The following TMEM117 variants were observed in gnomAD, a reference collection of about 807,000 sequenced individuals.
TMEM117 encodes transmembrane protein 117.
Under a neutral mutation model 52.4 loss-of-function variants are expected in TMEM117, and 27 were observed. The ratio of observed to expected loss-of-function variants is 0.51; its 90% CI spans 0.38 to 0.71. TMEM117 has a LOEUF of 0.71. TMEM117 is among the 30% of genes least tolerant of loss of function. The pLI is 0.00. For synonymous variants in TMEM117, 215 were observed against 206.3 expected, an observed-to-expected ratio of 1.04 and a Z score of -0.36; for missense variants, 556 against 630.5, an observed-to-expected ratio of 0.88 and a Z score of 1.26.
At chr12:44,092,395 G>A (rs901502294) in intron 3 of TMEM117, among the ~76,000 whole-genome samples, 16 of 152,170 alleles carry the variant, frequency 1.1e-4, no homozygotes, top group African/African-American at 3.9e-4. Context: ...GTACTGATGG[G>A]TACCATCAGA....
chr12:44,385,104 A>G (rs1952071326), intron 7 of TMEM117, among the ~76,000 whole-genome samples: 1 of 152,180 alleles, frequency 6.6e-6, no homozygotes, highest in Admixed American at 6.5e-5. Flanking sequence ...AGGTTACCCA[A>G]GGTCATATGC....
chr12:43,902,797 C>T (rs1393161002), intron 2 of TMEM117, among the ~76,000 whole-genome samples: 1 of 152,044 alleles, frequency 6.6e-6, no homozygotes, highest in Non-Finnish European at 1.5e-5. Context: ...AAAATAGTTA[C>T]TTGCATATTA....
intron 3 of TMEM117, among the ~76,000 whole-genome samples, chr12:43,974,463 A>G (rs992372434): frequency 8.5e-5 from 13 of 152,142 alleles, no homozygotes; most frequent in Admixed American, 7.9e-4. Context: ...ATGTTTTGTA[A>G]AGGACTTGTT....
intron 3 of TMEM117, among the ~76,000 whole-genome samples, chr12:44,022,300 C>A (rs1324732081): frequency 3.9e-5 from 6 of 152,038 alleles, no homozygotes; most frequent in Non-Finnish European, 8.8e-5. Flanking sequence ...AACTACAATA[C>A]AAAGGTGACA....
chr12:43,858,414 C>G (rs1293179574), intron 2 of TMEM117, among the ~76,000 whole-genome samples: 3 of 152,182 alleles, frequency 2.0e-5, no homozygotes, highest in Non-Finnish European at 4.4e-5. Context: ...CTGGCACCAC[C>G]TCCTGCCTGA....
chr12:43,868,577 C>CAA (rs796136803), intron 2 of TMEM117, among the ~76,000 whole-genome samples: 21 of 122,120 alleles, frequency 1.7e-4, no homozygotes, highest in Admixed American at 2.5e-4. Flanking sequence ...CCCCACCCTC[C>CAA]AAAAAAAAAA....
At chr12:44,042,761 T>TACACACACACACAC (rs61350418) in intron 3 of TMEM117, among the ~76,000 whole-genome samples, 45 of 132,150 alleles carry the variant, frequency 3.4e-4, no homozygotes, top group African/African-American at 1.0e-3. Flanking sequence ...CTTAATAAAC[T>TACACACACACACAC]ACACACACAC....
At chr12:43,976,592 CT>C (rs1270912436) in intron 3 of TMEM117, among the ~76,000 whole-genome samples, 2 of 152,258 alleles carry the variant, frequency 1.3e-5, no homozygotes, top group South Asian at 2.1e-4. Context: ...TTTACATTCC[CT>C]TATTATCTGC....
At chr12:43,888,960 G>A (rs916376190) in intron 2 of TMEM117, among the ~76,000 whole-genome samples, 6 of 152,066 alleles carry the variant, frequency 3.9e-5, no homozygotes, top group East Asian at 1.9e-4. Context: ...GTTGATCAGC[G>A]GTCCCCAACC....
chr12:44,047,335 C>A (rs1476274270), intron 3 of TMEM117, among the ~76,000 whole-genome samples: 1 of 152,030 alleles, frequency 6.6e-6, no homozygotes, highest in Non-Finnish European at 1.5e-5. Context: ...TGTAGGAATT[C>A]TTTGAACTTC....
At chr12:44,101,928 G>A (rs769025412) in intron 3 of TMEM117, among the ~76,000 whole-genome samples, 1 of 151,866 alleles carries the variant, frequency 6.6e-6, no homozygotes, top group Non-Finnish European at 1.5e-5. Flanking sequence ...AAGGAAATAG[G>A]GCGTATGTAA....
intron 4 of TMEM117, among the ~76,000 whole-genome samples, chr12:44,170,748 A>T (rs962192909): frequency 2.0e-5 from 3 of 152,138 alleles, no homozygotes; most frequent in African/African-American, 7.2e-5. Flanking sequence ...TAATTATTAA[A>T]TTTTTAACTG....
At chr12:44,337,939 C>G (rs1951363694) in intron 6 of TMEM117, among the ~76,000 whole-genome samples, 1 of 152,042 alleles carries the variant, frequency 6.6e-6, no homozygotes, top group Non-Finnish European at 1.5e-5. Context: ...TTAAGAACCA[C>G]TGACCTACAT....
At chr12:44,095,035 G>C (rs1283181549) in intron 3 of TMEM117, among the ~76,000 whole-genome samples, 1 of 151,982 alleles carries the variant, frequency 6.6e-6, no homozygotes, top group African/African-American at 2.4e-5. Context: ...TTTTTGTCAG[G>C]GGTGGGATCA....
chr12:43,854,845 CA>C (rs1175884126), intron 2 of TMEM117, among the ~76,000 whole-genome samples: 1 of 152,084 alleles, frequency 6.6e-6, no homozygotes, highest in Non-Finnish European at 1.5e-5. Context: ...CCATGTTGGC[CA>C]GGTTGGTCTC....
At chr12:43,941,579 G>C (rs1292314943) in intron 2 of TMEM117, among the ~76,000 whole-genome samples, 1 of 152,172 alleles carries the variant, frequency 6.6e-6, no homozygotes, top group Non-Finnish European at 1.5e-5. Flanking sequence ...AGTAAGCTGA[G>C]GGCAGTCTAT....
At chr12:44,230,668 A>G (rs1324787757) in intron 5 of TMEM117, among the ~76,000 whole-genome samples, 1 of 152,016 alleles carries the variant, frequency 6.6e-6, no homozygotes, top group East Asian at 1.9e-4. Context: ...TTCCCTATTT[A>G]CAATCATCAA....
chr12:44,037,737 T>C (rs1946732937), intron 3 of TMEM117, among the ~76,000 whole-genome samples: 2 of 152,108 alleles, frequency 1.3e-5, no homozygotes, highest in African/African-American at 4.8e-5. Context: ...CTGAGATGAC[T>C]GGATGACCTG....
chr12:44,162,518 C>T (rs534954139), intron 4 of TMEM117, among the ~76,000 whole-genome samples: 10 of 152,318 alleles, frequency 6.6e-5, no homozygotes, highest in African/African-American at 2.2e-4. Flanking sequence ...CATTAACTGG[C>T]TGCTTGGGTT....
Sources: allele counts gnomAD v4.1 joint callset (sites outside exome capture counted in the v4.1 genomes callset), GRCh38; gene constraint gnomAD v4.1.1; transcripts MANE v1.5; gene names NCBI Gene and HGNC (gene_info 2026-07-23, HGNC 2026-07-21).